The following LYPD6B variants were observed in gnomAD, a reference collection of about 807,000 sequenced individuals.
LYPD6B encodes ly6/PLAUR domain-containing protein 6B.
A neutral mutation model predicts 22.8 loss-of-function variants in LYPD6B; 17 were observed. The ratio of observed to expected loss-of-function variants is 0.75; its 90% CI spans 0.51 to 1.12. The LOEUF is 1.12. Among genes scored for constraint, LYPD6B ranks in the 50% most tolerant of loss-of-function variants. The probability of loss-of-function intolerance (pLI) is 0.00; values close to 1 mark genes in which losing one functional copy is unlikely to be tolerated. For synonymous variants in LYPD6B, 106 were observed against 91.6 expected, an observed-to-expected ratio of 1.16 and a Z score of -0.90; for missense variants, 221 against 258.3, an observed-to-expected ratio of 0.86 and a Z score of 0.99.
At chr2:149,121,449 C>T (rs1026283850) in intron 1 of LYPD6B, among the ~76,000 whole-genome samples, 8 of 152,164 alleles carry the variant, frequency 5.3e-5, no homozygotes, top group Admixed American at 5.2e-4. Flanking sequence ...ATTTGACTGA[C>T]CAAATCTGAT....
At chr2:149,171,165 C>T (rs6728110) in intron 3 of LYPD6B, among the ~76,000 whole-genome samples, 14,286 of 151,886 alleles carry the variant, frequency 0.094, 819 homozygotes, top group Non-Finnish European at 0.11. Context: ...AATGTGTGCC[C>T]GGGAGCAGAT....
chr2:149,170,417 C>T (rs1295808796), intron 3 of LYPD6B, among the ~76,000 whole-genome samples: 1 of 152,162 alleles, frequency 6.6e-6, no homozygotes, highest in East Asian at 1.9e-4. Flanking sequence ...TATCACGTCA[C>T]TGTTCTCTGT....
chr2:149,151,970 C>G (rs906204950), intron 2 of LYPD6B, among the ~76,000 whole-genome samples: 2 of 152,132 alleles, frequency 1.3e-5, no homozygotes, highest in African/African-American at 4.8e-5. Flanking sequence ...TTTACAGATG[C>G]TTTTGGTTCT....
chr2:149,096,176 A>G (rs1022007886), intron 1 of LYPD6B, among the ~76,000 whole-genome samples: 1 of 152,114 alleles, frequency 6.6e-6, no homozygotes, highest in Non-Finnish European at 1.5e-5. Context: ...AGATAAAGAG[A>G]TACAGAAAGA....
intron 1 of LYPD6B, among the ~76,000 whole-genome samples, chr2:149,056,492 T>G (rs555986432): frequency 6.6e-5 from 10 of 152,172 alleles, no homozygotes; most frequent in African/African-American, 2.2e-4. Flanking sequence ...CCTTGTAGAA[T>G]CAAAGAATTG....
At chr2:149,066,529 G>A (rs975923498) in intron 1 of LYPD6B, among the ~76,000 whole-genome samples, 2 of 151,972 alleles carry the variant, frequency 1.3e-5, no homozygotes, top group Non-Finnish European at 2.9e-5. Context: ...TGGCTGCATG[G>A]TATTCCATGG....
At chr2:149,141,407 A>G (rs890410139) in intron 2 of LYPD6B, among the ~76,000 whole-genome samples, 2 of 151,974 alleles carry the variant, frequency 1.3e-5, no homozygotes, top group African/African-American at 4.8e-5. Context: ...TTTTTTGTAT[A>G]TTTTCTATCA....
intron 2 of LYPD6B, among the ~76,000 whole-genome samples, chr2:149,140,027 A>AT (rs1004375993): frequency 7.9e-5 from 12 of 151,598 alleles, no homozygotes; most frequent in African/African-American, 2.2e-4. Context: ...GTGGGGGTGG[A>AT]TTTTTTTTTC....
chr2:149,065,561 A>C (rs886817033), intron 1 of LYPD6B, among the ~76,000 whole-genome samples: 1 of 152,200 alleles, frequency 6.6e-6, no homozygotes, highest in Non-Finnish European at 1.5e-5. Context: ...GCTAGACTCC[A>C]GTTACTTCCT....
chr2:149,184,309 T>A (rs775001265), intron 3 of LYPD6B, among the ~76,000 whole-genome samples: 2 of 152,160 alleles, frequency 1.3e-5, no homozygotes, highest in Non-Finnish European at 2.9e-5. Context: ...ATTACTTACA[T>A]GTAAGGAAGC....
chr2:149,057,147 G>GT (rs1400922777), intron 1 of LYPD6B, among the ~76,000 whole-genome samples: 1 of 152,006 alleles, frequency 6.6e-6, no homozygotes, highest in East Asian at 1.9e-4. Flanking sequence ...TATGACTCAT[G>GT]TATTTTCATT....
intron 1 of LYPD6B, among the ~76,000 whole-genome samples, chr2:149,106,036 T>C (rs1686453554): frequency 6.6e-6 from 1 of 152,140 alleles, no homozygotes; most frequent in African/African-American, 2.4e-5. Context: ...TTCCTGTGTC[T>C]CTTGAGATAA....
chr2:149,116,378 T>A (rs939832285), intron 1 of LYPD6B, among the ~76,000 whole-genome samples: 10 of 152,200 alleles, frequency 6.6e-5, no homozygotes, highest in African/African-American at 2.4e-4. Context: ...CTGTACTGTG[T>A]CAGATCACTG....
intron 3 of LYPD6B, among the ~76,000 whole-genome samples, chr2:149,167,103 A>G (rs963291390): frequency 1.2e-4 from 18 of 151,832 alleles, no homozygotes; most frequent in Non-Finnish European, 2.2e-4. Flanking sequence ...TTCTTATTCA[A>G]ACCAGCTGGG....
chr2:149,210,384 C>T (rs140254479), intron 5 of LYPD6B, among the ~76,000 whole-genome samples: 59 of 152,168 alleles, frequency 3.9e-4, no homozygotes, highest in African/African-American at 1.4e-3. Context: ...GGGCTCAATA[C>T]GGAATGGCCC....
intron 1 of LYPD6B, among the ~76,000 whole-genome samples, chr2:149,050,516 G>T (rs903407531): frequency 3.3e-5 from 5 of 152,062 alleles, no homozygotes; most frequent in Non-Finnish European, 7.4e-5. Context: ...GTACATTACC[G>T]AAAAAATAGG....
At chr2:149,086,146 T>C (rs537818105) in intron 1 of LYPD6B, among the ~76,000 whole-genome samples, 157 of 152,348 alleles carry the variant, frequency 1.0e-3, no homozygotes, top group South Asian at 3.7e-3. Flanking sequence ...TTCTAGAATG[T>C]ACTCCCCCAC....
At chr2:149,053,155 A>G (rs1419029445) in intron 1 of LYPD6B, among the ~76,000 whole-genome samples, 1 of 152,236 alleles carries the variant, frequency 6.6e-6, no homozygotes, top group Non-Finnish European at 1.5e-5. Flanking sequence ...TATGATAGAT[A>G]CCTTTCATTC....
intron 3 of LYPD6B, among the ~76,000 whole-genome samples, chr2:149,174,754 C>G (rs1477955857): frequency 6.7e-6 from 1 of 148,734 alleles, no homozygotes; most frequent in African/African-American, 2.5e-5. Context: ...GGTGGATTAG[C>G]TTTTTGATGT....
Sources: allele counts gnomAD v4.1 joint callset (sites outside exome capture counted in the v4.1 genomes callset), GRCh38; gene constraint gnomAD v4.1.1; transcripts MANE v1.5; gene names NCBI Gene and HGNC (gene_info 2026-07-23, HGNC 2026-07-21).